The following DNAJC16 variants were observed in gnomAD, a reference collection of about 807,000 sequenced individuals.
The protein encoded by DNAJC16 is dnaJ homolog subfamily C member 16.
In DNAJC16, 76 loss-of-function variants were observed where a neutral mutation model predicts 92.7. That is an observed-to-expected ratio of 0.82 (90% CI 0.68 to 0.99). DNAJC16 has a LOEUF of 0.99. DNAJC16 is among the 50% of genes least tolerant of loss of function. The probability of loss-of-function intolerance (pLI) is 0.00; values close to 1 mark genes in which losing one functional copy is unlikely to be tolerated. For missense variants in DNAJC16, 869 were observed against 942.4 expected, an observed-to-expected ratio of 0.92 and a Z score of 1.02; for synonymous variants, 328 against 358.7, an observed-to-expected ratio of 0.91 and a Z score of 0.97.
At chr1:15,561,102 T>C (rs1000739642) in intron 8 of DNAJC16, among the ~76,000 whole-genome samples, 6 of 151,802 alleles carry the variant, frequency 4.0e-5, no homozygotes, top group African/African-American at 1.5e-4. Context: ...TCTGTCCCCT[T>C]TTCATCTTTT....
Position 15,567,980 on chromosome 1 carries a change from G to A in DNAJC16, c.2152G>A (p.Glu718Lys), listed in dbSNP as rs551633353. 78 of 1,614,080 alleles carry A rather than the reference G, an allele frequency of 4.8e-5. No individual in the cohort carries two copies. Among genetic ancestry groups the A allele is most frequent in the African/African-American group, 8.0e-5 (6 of 74,924 alleles). The change falls in exon 15 of 15, where the codon GAA becomes AAA. Residue 718 changes from glutamate (E) to lysine (K), a missense_variant. By Grantham distance (56) the Glu-to-Lys change is moderately conservative. Coordinates refer to ENST00000375847, the MANE Select transcript of DNAJC16 (RefSeq NM_015291.4). The stretch of plus-strand genomic sequence containing the variant: ...CCTCTTCAAGCCCCAAAAGACAGTC[G>A]AAGAGGAGGAAGCCATAGGGTCGTG... ...FCLFKPQKTV[E>K]EEEAIGSCSD... is the part of the protein sequence containing the mutation.
Position 15,563,967 on chromosome 1 carries a change from G to T in DNAJC16, c.1377G>T (p.Val459=). The T allele has an allele frequency of 6.2e-7, 1 of 1,614,140 alleles. No homozygotes were observed. Among genetic ancestry groups the T allele is most frequent in the Non-Finnish European group, 8.5e-7 (1 of 1,180,006 alleles). The change falls in exon 10 of 15, where the codon GTG becomes GTT. Residue 459 remains valine, a synonymous_variant. Transcript: ENST00000375847. ...AAAGGCGCAACACAGCAGGAAGGGT[G>T]GTGTATAAAACCCTGGAAGACCCTT... ...ILERRNTAGR[V]VYKTLEDPWI...
At chr1:15,553,544 T>G (rs1248698432) in intron 7 of DNAJC16, among the ~76,000 whole-genome samples, 3 of 152,184 alleles carry the variant, frequency 2.0e-5, no homozygotes, top group Non-Finnish European at 4.4e-5. Context: ...GTTTTTATTA[T>G]TTTTATGATA....
intron 11 of DNAJC16, 70 bp downstream of exon 11, chr1:15,564,429 G>T: frequency 2.9e-6 from 3 of 1,023,062 alleles, no homozygotes; most frequent in Non-Finnish European, 3.1e-6. Flanking sequence ...CTTTTGAAAA[G>T]AGTTCATCAT....
At chr1:15,545,341 G>C (rs1421726254) in intron 5 of DNAJC16, among the ~76,000 whole-genome samples, 1 of 152,152 alleles carries the variant, frequency 6.6e-6, no homozygotes, top group Non-Finnish European at 1.5e-5. Context: ...TTATCTATAG[G>C]AGAAATATTT....
Position 15,534,310 on chromosome 1 carries a change from T to C in DNAJC16, c.234+7T>C, listed in dbSNP as rs1314139921. On this transcript the variant is annotated splice_region_variant and intron_variant, in intron 3 of 14. Coordinates refer to ENST00000375847, the MANE Select transcript of DNAJC16 (RefSeq NM_015291.4). Reference sequence around the variant, plus strand: ...AATCAGTAAGGCTTACGAGGTATCGTGTCCAGCTTTGTGATGCATCCATTA... The same window carrying C: ...AATCAGTAAGGCTTACGAGGTATCGCGTCCAGCTTTGTGATGCATCCATTA... The C allele has an allele frequency of 4.3e-6, 7 of 1,613,730 alleles. No homozygotes were observed. The East Asian group carries it at 6.7e-5, about 15-fold the overall frequency.
intron 4 of DNAJC16, among the ~76,000 whole-genome samples, chr1:15,541,159 G>A (rs1486296181): frequency 6.6e-6 from 1 of 152,218 alleles, no homozygotes; most frequent in Non-Finnish European, 1.5e-5. Context: ...CACTCAAGAA[G>A]TGATAATCCC....
At position 15,571,548 on chromosome 1, in the gene DNAJC16, G is replaced by A. The variant is rs924681471; in HGVS notation, c.*3371G>A. 1.0e-4 allele frequency: 16 copies of A among 152,584 alleles called. No homozygotes were observed. Among genetic ancestry groups the A allele is most frequent in the Admixed American group, 3.9e-4 (6 of 15,272 alleles). The allele number at this position is 152,584 out of a possible 1,614,324, so 9.5% of individuals were successfully genotyped here. On this transcript the variant is annotated 3_prime_UTR_variant, in exon 15 of 15. Transcript: ENST00000375847. ...ATGCTTGGGAGAGATCTGAAAAGAA[G>A]GTGAATATTTTGCACTTTTGATACT...
Sources: allele counts gnomAD v4.1 joint callset (sites outside exome capture counted in the v4.1 genomes callset), GRCh38; gene constraint gnomAD v4.1.1; transcripts MANE v1.5; gene names NCBI Gene and HGNC (gene_info 2026-07-23, HGNC 2026-07-21).